The following KCNT2 variants were observed in gnomAD, a reference collection of about 807,000 sequenced individuals.
The protein encoded by KCNT2 is potassium sodium-activated channel subfamily T member 2.
Under a neutral mutation model 153.8 loss-of-function variants are expected in KCNT2, and 67 were observed. The ratio of observed to expected loss-of-function variants is 0.44; its 90% CI spans 0.36 to 0.53. The LOEUF (loss-of-function observed/expected upper bound fraction) is 0.53. Ranked by LOEUF, KCNT2 falls within the 20% of genes least tolerant of loss-of-function variation. The probability of loss-of-function intolerance (pLI) is 0.00; values close to 1 mark genes in which losing one functional copy is unlikely to be tolerated. For synonymous variants in KCNT2, 500 were observed against 458.8 expected (o/e 1.09, Z -1.15); for missense variants, 975 against 1,354.8 (o/e 0.72, Z 4.40).
intron 25 of KCNT2, chr1:196,258,717 C>A: frequency 1.8e-6 from 1 of 561,840 alleles, no homozygotes. Context: ...ATACCTGTAT[C>A]CTCTGGTACA....
intron 1 of KCNT2, 48 bp downstream of exon 1, chr1:196,608,167 C>A (rs1407667782): frequency 6.4e-7 from 1 of 1,553,294 alleles, no homozygotes; most frequent in Non-Finnish European, 8.9e-7. Context: ...CCATTTCCGT[C>A]TCTTTTTCAG....
intron 14 of KCNT2, among the ~76,000 whole-genome samples, chr1:196,347,347 T>C (rs1341020740): frequency 1.3e-5 from 2 of 152,206 alleles, no homozygotes; most frequent in African/African-American, 4.8e-5. Flanking sequence ...TGATTTTGAA[T>C]GAGGGAGAAA....
Position 196,352,188 on chromosome 1 carries a change from C to T in KCNT2, c.1404-9960G>A, listed in dbSNP as rs557260749. Among the ~76,000 whole-genome samples, 103 of 151,614 alleles carry T rather than the reference C, an allele frequency of 6.8e-4. 1 individual carries two copies. The highest frequency in any genetic ancestry group is 2.0e-3 in the African/African-American group (84 of 41,366). The stretch of plus-strand genomic sequence containing the variant: ...TCTCTTTTTTGGTTGTGTCTCTGCC[C>T]GGCTTTGGTATCAGGATGATGCTGG... On this transcript the variant is annotated intron_variant, in intron 14 of 27. Transcript: ENST00000294725.
At chr1:196,586,672 G>C (rs1192220726) in intron 1 of KCNT2, among the ~76,000 whole-genome samples, 1 of 151,728 alleles carries the variant, frequency 6.6e-6, no homozygotes, top group Non-Finnish European at 1.5e-5. Context: ...GAAATAGTCA[G>C]AGGCAAATAA....
chr1:196,597,045 A>G (rs1442234452), intron 1 of KCNT2, among the ~76,000 whole-genome samples: 1 of 152,208 alleles, frequency 6.6e-6, no homozygotes, highest in East Asian at 1.9e-4. Context: ...TACTTTGGGC[A>G]CTTGTGGAAA....
chr1:196,537,978 A>G (rs1655828063), intron 1 of KCNT2, among the ~76,000 whole-genome samples: 1 of 152,162 alleles, frequency 6.6e-6, no homozygotes, highest in Admixed American at 6.5e-5. Flanking sequence ...CTGCACCTGA[A>G]GGTCCCCATT....
intron 23 of KCNT2, 79 bp downstream of exon 23, chr1:196,285,578 C>G (rs1181419264): frequency 3.7e-6 from 3 of 812,140 alleles, no homozygotes; most frequent in East Asian, 2.8e-5. Flanking sequence ...ATGTGAAACA[C>G]TAGATGTATT....
rs560569622 is a variant in KCNT2, at chr1:196,272,658, C to T, written c.2910+8202G>A. On this transcript the variant is annotated intron_variant, in intron 25 of 27. Coordinates refer to ENST00000294725, the MANE Select transcript of KCNT2 (RefSeq NM_198503.5). ...TGTTGAAACCACAGGAAGCGATTAACGCCCCAAGGTGATGTGTAGAAAAGA... is the reference window on the plus strand; with the variant it reads ...TGTTGAAACCACAGGAAGCGATTAATGCCCCAAGGTGATGTGTAGAAAAGA... Among the ~76,000 whole-genome samples, 29 of 151,988 alleles carry T rather than the reference C, an allele frequency of 1.9e-4. 1 individual carries two copies. The South Asian group carries it at 4.8e-3, about 25-fold the overall frequency.
chr1:196,492,155 C>A (rs1307767599), intron 2 of KCNT2, 107 bp downstream of exon 2: 1 of 1,117,340 alleles, frequency 8.9e-7, no homozygotes, highest in South Asian at 1.9e-5. Context: ...GAAAAAATAA[C>A]CAATTTTATT....
At chr1:196,368,089 A>G (rs917276146) in intron 14 of KCNT2, among the ~76,000 whole-genome samples, 30 of 152,180 alleles carry the variant, frequency 2.0e-4, no homozygotes, top group Non-Finnish European at 4.1e-4. Context: ...CATAGTTTTT[A>G]AGGTGTAAAC....
intron 17 of KCNT2, among the ~76,000 whole-genome samples, chr1:196,332,272 G>A (rs1664539422): frequency 6.6e-6 from 1 of 151,980 alleles, no homozygotes; most frequent in African/African-American, 2.4e-5. Context: ...CTAGAAATAA[G>A]AAAAAATCTT....
rs1373753797 is a variant in KCNT2, at chr1:196,373,120, T to C, written c.1403+20A>G. 1.7e-6 allele frequency: 2 copies of C among 1,177,200 alleles called. No homozygotes were observed. Among genetic ancestry groups the C allele is most frequent in the Admixed American group, 3.8e-5 (2 of 53,082 alleles). 72.9% of individuals were successfully genotyped at this position (1,177,200 alleles called of 1,614,324 possible). On this transcript the variant is annotated intron_variant, in intron 14 of 27. Transcript: ENST00000294725. Reference sequence around the variant, plus strand: ...TTTTATATAATTTAAAAGGTTAACTTAAAGAAAAAATATACTTACTGCCCT... The same window carrying C: ...TTTTATATAATTTAAAAGGTTAACTCAAAGAAAAAATATACTTACTGCCCT...
intron 1 of KCNT2, among the ~76,000 whole-genome samples, chr1:196,564,662 T>C (rs1043095258): frequency 6.6e-6 from 1 of 151,828 alleles, no homozygotes; most frequent in Non-Finnish European, 1.5e-5. Context: ...CAAAGATCAA[T>C]GGAACAGAAT....
Position 196,570,067 on chromosome 1 carries a change from T to TA in KCNT2, c.95+38147dup, listed in dbSNP as rs199836975. ...TGAGTCCAGGAAGCTTGAGCTAGAG[T>TA]AAAAAAAAAAAAAAAAAAAAAAAAA... is the stretch of plus-strand genomic sequence containing the variant. On this transcript the variant is annotated intron_variant, in intron 1 of 27. Transcript: ENST00000294725. Among the ~76,000 whole-genome samples, 70 of 133,726 alleles carry TA rather than the reference T, an allele frequency of 5.2e-4. 1 individual carries two copies. The highest frequency in any genetic ancestry group is 2.4e-3 in the African/African-American group (67 of 27,542). The allele number at this position is 133,726 out of a possible 152,430, so 87.7% of individuals were successfully genotyped here.
At chr1:196,487,647 A>G (rs184232459) in intron 3 of KCNT2, among the ~76,000 whole-genome samples, 47 of 152,126 alleles carry the variant, frequency 3.1e-4, no homozygotes, top group Non-Finnish European at 6.0e-4. Flanking sequence ...TAAAATACTC[A>G]TTCCTATTGA....
intron 1 of KCNT2, among the ~76,000 whole-genome samples, chr1:196,501,101 G>T (rs539391135): frequency 6.6e-6 from 1 of 152,288 alleles, no homozygotes; most frequent in South Asian, 2.1e-4. Context: ...ACACCACTGG[G>T]AGGAATGTAA....
At chr1:196,588,914 A>C (rs1427454376) in intron 1 of KCNT2, among the ~76,000 whole-genome samples, 1 of 151,932 alleles carries the variant, frequency 6.6e-6, no homozygotes, top group Non-Finnish European at 1.5e-5. Context: ...TAAATGAAAG[A>C]ATTTATTTAG....
At chr1:196,271,115 G>T (rs948969994) in intron 25 of KCNT2, among the ~76,000 whole-genome samples, 1 of 151,750 alleles carries the variant, frequency 6.6e-6, no homozygotes, top group Admixed American at 6.6e-5. Context: ...GGATAAATAA[G>T]CCTGTGGAAA....
chr1:196,315,172 G>A (rs1662585309), intron 21 of KCNT2, among the ~76,000 whole-genome samples: 1 of 151,620 alleles, frequency 6.6e-6, no homozygotes, highest in African/African-American at 2.4e-5. Context: ...GGTAGCTCAC[G>A]TATTTTCTTC....
Sources: gnomAD v4.1 joint callset for allele counts (sites outside exome capture counted in the v4.1 genomes callset) on GRCh38, gnomAD v4.1.1 for gene constraint, MANE v1.5 for transcripts, NCBI Gene and HGNC (gene_info 2026-07-23, HGNC 2026-07-21) for gene names.